The following UBTD1 variants were observed in gnomAD, a reference collection of about 807,000 sequenced individuals.
UBTD1 encodes ubiquitin domain containing 1, also known as ubiquitin domain-containing protein 1.
Under a neutral mutation model 21.7 loss-of-function variants are expected in UBTD1, and 19 were observed. The ratio of observed to expected loss-of-function variants is 0.87; its 90% CI spans 0.61 to 1.28. UBTD1 has a LOEUF of 1.28. UBTD1 is among the 50% of genes most tolerant of loss of function. The probability of loss-of-function intolerance (pLI) is 0.00; values close to 1 mark genes in which losing one functional copy is unlikely to be tolerated. For missense variants in UBTD1, 282 were observed against 315.1 expected (o/e 0.89, Z 0.80); for synonymous variants, 116 against 135.1 (o/e 0.86, Z 0.98).
rs559261675 is a variant in UBTD1 at position 97,516,494 on chromosome 10, G to A, written c.70+17221G>A. Among the ~76,000 whole-genome samples the A allele has an allele frequency of 6.6e-5, 10 of 152,296 alleles. No homozygotes were observed. In the East Asian group the frequency reaches 7.7e-4, roughly 12 times the overall value. On this transcript the variant is annotated intron_variant, in intron 1 of 2. Coordinates refer to ENST00000370664, the MANE Select transcript of UBTD1 (RefSeq NM_024954.5). ...GCAGACATTAGAAATCCATCTCCTC[G>A]GCCGGGCACGGTGGCTCATGCCTGT...
intron 2 of UBTD1, among the ~76,000 whole-genome samples, chr10:97,568,570 T>G (rs1200801278): frequency 6.7e-6 from 1 of 150,054 alleles, no homozygotes; most frequent in Non-Finnish European, 1.5e-5. Context: ...TACAGGCATG[T>G]GCCACCATGC....
chr10:97,558,247 G>T (rs2040674506), intron 1 of UBTD1, among the ~76,000 whole-genome samples: 1 of 152,186 alleles, frequency 6.6e-6, no homozygotes, highest in Non-Finnish European at 1.5e-5. Flanking sequence ...CTGATACCAG[G>T]AGTAAGGTGG....
chr10:97,564,584 T>C (rs2040709036), intron 1 of UBTD1, among the ~76,000 whole-genome samples: 1 of 152,114 alleles, frequency 6.6e-6, no homozygotes, highest in Non-Finnish European at 1.5e-5. Flanking sequence ...TTTTTTGAAA[T>C]GGAGTTTCAC....
intron 1 of UBTD1, among the ~76,000 whole-genome samples, chr10:97,531,222 T>G (rs2040530351): frequency 6.6e-6 from 1 of 151,166 alleles, no homozygotes; most frequent in African/African-American, 2.4e-5. Context: ...CATCTTTTTT[T>G]TTTTTTTTGA....
At position 97,522,756 on chromosome 10, in the gene UBTD1, G is replaced by A. The variant is rs576075009; in HGVS notation, c.70+23483G>A. On this transcript the variant is annotated intron_variant, in intron 1 of 2. Transcript: ENST00000370664. ...TACCTGGCTGGTGGGTGAAGGTGAG[G>A]GTGGGGATAGACATGTAGGAGCCAT... Among the ~76,000 whole-genome samples, 5 of 152,282 alleles carry A rather than the reference G, an allele frequency of 3.3e-5. No individual in the cohort carries two copies. The East Asian group carries it at 9.6e-4, about 29-fold the overall frequency.
At chr10:97,506,063 G>A (rs185281839) in intron 1 of UBTD1, among the ~76,000 whole-genome samples, 15 of 152,286 alleles carry the variant, frequency 9.8e-5, no homozygotes, top group Admixed American at 5.2e-4. Flanking sequence ...TGTACAGAGC[G>A]CCTGCTTGGT....
Position 97,499,202 on chromosome 10 carries a change from G to GC in UBTD1, c.-1dup. 1 of 1,545,388 alleles carries GC rather than the reference G, an allele frequency of 6.5e-7. No homozygotes were observed. The highest frequency in any genetic ancestry group is 1.2e-5 in the South Asian group (1 of 83,172). On this transcript the variant is annotated 5_prime_UTR_variant, in exon 1 of 3. Coordinates refer to ENST00000370664, the MANE Select transcript of UBTD1 (RefSeq NM_024954.5). ...TGCATGGGGACTGGCTGAGGAGCCA[G>GC]CATGGGCAACTGCGTGGGGAGACAG... is the stretch of plus-strand genomic sequence containing the variant.
In UBTD1 at chr10:97,529,252, C is replaced by T. The variant is rs377392730; in HGVS notation, c.70+29979C>T. 4.5e-3 allele frequency among the ~76,000 whole-genome samples: 681 copies of T among 151,500 alleles called. 20 individuals are homozygous for T. The East Asian group carries it at 0.076, about 17-fold the overall frequency. On this transcript the variant is annotated intron_variant, in intron 1 of 2. Transcript: ENST00000370664. Reference sequence around the variant, plus strand: ...CTCACTTCCTAGGTGGGATGGCGGCCGGGCAGAGACGCTCCTCACTTTCCA... The same window carrying T: ...CTCACTTCCTAGGTGGGATGGCGGCTGGGCAGAGACGCTCCTCACTTTCCA...
intron 1 of UBTD1, among the ~76,000 whole-genome samples, chr10:97,538,607 C>T (rs963731299): frequency 2.6e-5 from 4 of 152,292 alleles, no homozygotes; most frequent in African/African-American, 4.8e-5. Flanking sequence ...GGACGTCCAC[C>T]GTGCCTGGCA....
chr10:97,529,169 G>T (rs1342876255), intron 1 of UBTD1, among the ~76,000 whole-genome samples: 1 of 151,630 alleles, frequency 6.6e-6, no homozygotes, highest in South Asian at 2.1e-4. Context: ...GACGATGGGC[G>T]GCCGGGCAGA....
chr10:97,568,185 G>A (rs1228616466), intron 2 of UBTD1, 44 bp downstream of exon 2: 1 of 1,600,264 alleles, frequency 6.2e-7, no homozygotes, highest in Non-Finnish European at 8.5e-7. Context: ...GGAGCTAGGG[G>A]GTCACCAGCA....
intron 1 of UBTD1, among the ~76,000 whole-genome samples, chr10:97,502,895 A>ATG (rs1315362372): frequency 2.8e-4 from 40 of 143,908 alleles, no homozygotes; most frequent in African/African-American, 6.3e-4. Flanking sequence ...ACGTATATAT[A>ATG]TGTGTGTATA....
At chr10:97,554,606 A>C (rs1016218038) in intron 1 of UBTD1, among the ~76,000 whole-genome samples, 6 of 152,100 alleles carry the variant, frequency 3.9e-5, no homozygotes, top group Admixed American at 6.6e-5. Context: ...GCTGGGGTGC[A>C]GTGGTGCAGT....
chr10:97,528,873 A>G (rs1450758625), intron 1 of UBTD1, among the ~76,000 whole-genome samples: 1 of 139,966 alleles, frequency 7.1e-6, no homozygotes, highest in Non-Finnish European at 1.5e-5. Context: ...CACCTCCCGG[A>G]TGGGGCGGCT....
chr10:97,568,303 G>A (rs559289359), intron 2 of UBTD1, among the ~76,000 whole-genome samples, 162 bp downstream of exon 2: 51 of 152,240 alleles, frequency 3.3e-4, no homozygotes, highest in Admixed American at 2.4e-3. Flanking sequence ...GGTACACAAA[G>A]AAAAAGAGAC....
In UBTD1 at chr10:97,499,160, C is replaced by T. The variant is rs2040294323; in HGVS notation, c.-44C>T. The T allele has an allele frequency of 4.0e-6, 6 of 1,502,798 alleles. No individual in the cohort carries two copies. Among genetic ancestry groups the T allele is most frequent in the South Asian group, 1.3e-5 (1 of 79,888 alleles). 93.1% of individuals were successfully genotyped at this position (1,502,798 alleles called of 1,614,324 possible). On this transcript the variant is annotated 5_prime_UTR_variant, in exon 1 of 3. Coordinates refer to ENST00000370664, the MANE Select transcript of UBTD1 (RefSeq NM_024954.5). ...CGCCGCCGTCCGCTGAGCAGCCGAC[C>T]ACCCCGCCGCCTCCGGTGCATGGGG...
intron 1 of UBTD1, among the ~76,000 whole-genome samples, chr10:97,545,892 C>T (rs2040608663): frequency 6.6e-6 from 1 of 152,226 alleles, no homozygotes; most frequent in Admixed American, 6.5e-5. Flanking sequence ...TCTCAGCTCA[C>T]TGCAACCTTA....
chr10:97,561,511 G>A (rs373862854), intron 1 of UBTD1, among the ~76,000 whole-genome samples: 1 of 152,126 alleles, frequency 6.6e-6, no homozygotes, highest in Non-Finnish European at 1.5e-5. Flanking sequence ...ATTGATTTGA[G>A]CAAGCAGGCG....
chr10:97,545,433 T>TGG (rs1589879034), intron 1 of UBTD1, among the ~76,000 whole-genome samples: 96 of 2,096 alleles, frequency 0.046, 1 homozygote, highest in East Asian at 0.36. Flanking sequence ...TGTGTGTGGG[T>TGG]GTGTGTGTGT....
Sources: gnomAD v4.1 joint callset for allele counts (sites outside exome capture counted in the v4.1 genomes callset) on GRCh38, gnomAD v4.1.1 for gene constraint, MANE v1.5 for transcripts, NCBI Gene and HGNC (gene_info 2026-07-23, HGNC 2026-07-21) for gene names.